MYZAP: variants seen among roughly 807,000 people sequenced by gnomAD.
The protein encoded by MYZAP is myocardial zonula adherens protein, also known as GRINL1A complex locus upstream.
In MYZAP, 66 loss-of-function variants were observed where a neutral mutation model predicts 69.4. That is an observed-to-expected ratio of 0.95 (90% CI 0.78 to 1.17). The LOEUF is 1.17. MYZAP is among the 50% of genes most tolerant of loss of function. MYZAP has a pLI of 0.00. For missense variants in MYZAP, 611 were observed against 556.2 expected (o/e 1.10, Z -0.99); for synonymous variants, 256 against 205.9 (o/e 1.24, Z -2.09).
At chr15:57,639,159 TA>T (rs531231927) in intron 9 of MYZAP, among the ~76,000 whole-genome samples, 313 of 152,280 alleles carry the variant, frequency 2.1e-3, no homozygotes, top group Non-Finnish European at 3.6e-3. Context: ...AATTTACGTT[TA>T]TTTTTTTACC....
chr15:57,640,994 G>C (rs2037120001), intron 10 of MYZAP, among the ~76,000 whole-genome samples: 2 of 152,328 alleles, frequency 1.3e-5, no homozygotes, highest in South Asian at 4.1e-4. Context: ...ATCTCAGTGA[G>C]CCTTGGCCGT....
intron 10 of MYZAP, among the ~76,000 whole-genome samples, chr15:57,659,420 A>T (rs2038166925): frequency 6.6e-6 from 1 of 152,182 alleles, no homozygotes; most frequent in Non-Finnish European, 1.5e-5. Flanking sequence ...AAAAATTATG[A>T]ATTCATACTG....
intron 10 of MYZAP, chr15:57,646,376 C>T (rs1595905959): frequency 2.6e-6 from 3 of 1,174,024 alleles, no homozygotes; most frequent in East Asian, 6.1e-5. Flanking sequence ...AAAACACCCA[C>T]ATACTGTCAC....
intron 1 of MYZAP, among the ~76,000 whole-genome samples, chr15:57,600,043 G>C (rs1174017501): frequency 1.3e-5 from 2 of 150,376 alleles, no homozygotes; most frequent in African/African-American, 4.9e-5. Context: ...ACAGAAATCT[G>C]TTTCCTTAAG....
chr15:57,666,801 T>C (rs993041733), intron 11 of MYZAP, among the ~76,000 whole-genome samples: 31 of 152,156 alleles, frequency 2.0e-4, no homozygotes, highest in Non-Finnish European at 3.5e-4. Context: ...AACCTGCACA[T>C]GTGCCCTCTG....
At chr15:57,669,078 A>G (rs1822614312) in intron 11 of MYZAP, among the ~76,000 whole-genome samples, 1 of 151,758 alleles carries the variant, frequency 6.6e-6, no homozygotes, top group Admixed American at 6.6e-5. Flanking sequence ...TTTAGTAGAG[A>G]TGGTTTCACC....
At chr15:57,681,206 G>T (rs2039423148) in intron 12 of MYZAP, among the ~76,000 whole-genome samples, 1 of 152,158 alleles carries the variant, frequency 6.6e-6, no homozygotes, top group African/African-American at 2.4e-5. Context: ...TAGCCATCTG[G>T]CTTCTGCCCC....
At chr15:57,614,289 G>A (rs555444171) in intron 2 of MYZAP, among the ~76,000 whole-genome samples, 4 of 152,308 alleles carry the variant, frequency 2.6e-5, no homozygotes, top group South Asian at 2.1e-4. Context: ...TGGGAATTAC[G>A]GTGGAAAAGA....
At chr15:57,594,367 C>T (rs1191691296) in intron 1 of MYZAP, among the ~76,000 whole-genome samples, 5 of 152,192 alleles carry the variant, frequency 3.3e-5, no homozygotes, top group African/African-American at 4.8e-5. Flanking sequence ...ACAACTGCCT[C>T]GGCCTCCCAA....
At chr15:57,625,305 C>T (rs2036064321) in intron 4 of MYZAP, among the ~76,000 whole-genome samples, 1 of 152,128 alleles carries the variant, frequency 6.6e-6, no homozygotes, top group Non-Finnish European at 1.5e-5. Context: ...AACTCTTGAC[C>T]TCAGGTGATC....
At chr15:57,671,865 G>T (rs796228323) in intron 11 of MYZAP, among the ~76,000 whole-genome samples, 1 of 152,172 alleles carries the variant, frequency 6.6e-6, no homozygotes, top group African/African-American at 2.4e-5. Context: ...GTTACATCAG[G>T]ATTGGTGTCT....
intron 10 of MYZAP, among the ~76,000 whole-genome samples, chr15:57,655,515 A>G (rs960514624): frequency 3.9e-5 from 6 of 152,120 alleles, no homozygotes; most frequent in African/African-American, 1.4e-4. Flanking sequence ...AGCTCCCTCC[A>G]TGGGTTTCCA....
At chr15:57,620,208 T>C (rs2035724002) in intron 3 of MYZAP, among the ~76,000 whole-genome samples, 1 of 152,224 alleles carries the variant, frequency 6.6e-6, no homozygotes. Context: ...TTAGAATTCA[T>C]GTGGGGAAGT....
At position 57,596,341 on chromosome 15, in the gene MYZAP, A is replaced by G. The variant is rs1019224422; in HGVS notation, c.75+4232A>G. 3.3e-5 allele frequency among the ~76,000 whole-genome samples: 5 copies of G among 152,302 alleles called. No homozygotes were observed. In the East Asian group the frequency reaches 9.6e-4, roughly 29 times the overall value. ...AAGGCTTTGAAGTCAATTAGCCTCA[A>G]ATGTTCTTGTCTAATTGAGTTCAAG... On this transcript the variant is annotated intron_variant, in intron 1 of 12. Coordinates refer to ENST00000267853, the MANE Select transcript of MYZAP (RefSeq NM_001018100.5).
chr15:57,637,968 T>C (rs1383583303), intron 9 of MYZAP, among the ~76,000 whole-genome samples, 194 bp downstream of exon 9: 2 of 152,200 alleles, frequency 1.3e-5, no homozygotes, highest in Admixed American at 1.3e-4. Context: ...ATCCTGCAGA[T>C]CATGGCTGGT....
chr15:57,645,691 C>G (rs1472682649), intron 10 of MYZAP, among the ~76,000 whole-genome samples: 2 of 152,168 alleles, frequency 1.3e-5, no homozygotes, highest in Non-Finnish European at 2.9e-5. Context: ...GTTAAGTGAA[C>G]TAAAAGCAAA....
intron 10 of MYZAP, chr15:57,648,372 C>G (rs565401011): frequency 7.1e-6 from 7 of 985,384 alleles, no homozygotes; most frequent in Non-Finnish European, 8.4e-6. Flanking sequence ...AACTGTTTCT[C>G]AGACACCTGG....
chr15:57,597,236 G>A (rs1363542679), intron 1 of MYZAP, among the ~76,000 whole-genome samples: 9 of 152,136 alleles, frequency 5.9e-5, no homozygotes, highest in Admixed American at 3.9e-4. Flanking sequence ...TCATCCCTTT[G>A]GTTCAGTCAG....
chr15:57,634,919 C>G (rs988815593), intron 8 of MYZAP, among the ~76,000 whole-genome samples: 2 of 152,170 alleles, frequency 1.3e-5, no homozygotes, highest in African/African-American at 4.8e-5. Flanking sequence ...CTTTCTAGAG[C>G]TTGAGTGAGC....
Sources: gnomAD v4.1 joint callset for allele counts (sites outside exome capture counted in the v4.1 genomes callset) on GRCh38, gnomAD v4.1.1 for gene constraint, MANE v1.5 for transcripts, NCBI Gene and HGNC (gene_info 2026-07-23, HGNC 2026-07-21) for gene names.